Variants in HMGCLL1 observed in about 807,000 individuals in gnomAD.
The protein encoded by HMGCLL1 is 3-hydroxy-3-methylglutaryl-CoA lyase like 1.
Under a neutral mutation model 39.1 loss-of-function variants are expected in HMGCLL1, and 36 were observed. The ratio of observed to expected loss-of-function variants is 0.92; its 90% CI spans 0.71 to 1.22. The LOEUF (loss-of-function observed/expected upper bound fraction) is 1.22, where lower values mean the gene tolerates loss of function less well. Among genes scored for constraint, HMGCLL1 ranks in the 50% most tolerant of loss-of-function variants. HMGCLL1 has a pLI of 0.00. For missense variants in HMGCLL1, 451 were observed against 416.5 expected (o/e 1.08, Z -0.72); for synonymous variants, 149 against 144.0 (o/e 1.03, Z -0.25).
intron 7 of HMGCLL1, among the ~76,000 whole-genome samples, chr6:55,481,602 G>A (rs1018656530): frequency 5.9e-5 from 9 of 151,972 alleles, no homozygotes; most frequent in African/African-American, 2.2e-4. Flanking sequence ...TCTTAGAGTA[G>A]GCTCAGTCTG....
chr6:55,570,856 T>G (rs1349362730), intron 1 of HMGCLL1, among the ~76,000 whole-genome samples: 1 of 152,190 alleles, frequency 6.6e-6, no homozygotes, highest in African/African-American at 2.4e-5. Context: ...AGAACTTTAA[T>G]GGATTCACAG....
intron 7 of HMGCLL1, among the ~76,000 whole-genome samples, chr6:55,448,678 T>C (rs1310003308): frequency 1.3e-5 from 2 of 152,296 alleles, no homozygotes; most frequent in Non-Finnish European, 1.5e-5. Context: ...CTGTTGTTGA[T>C]TGGATAATGC....
intron 1 of HMGCLL1, among the ~76,000 whole-genome samples, chr6:55,565,668 T>C (rs1771176719): frequency 6.6e-6 from 1 of 152,090 alleles, no homozygotes; most frequent in African/African-American, 2.4e-5. Flanking sequence ...TCTCTAGAGA[T>C]GAGTATTTAT....
intron 3 of HMGCLL1, among the ~76,000 whole-genome samples, chr6:55,533,288 T>C (rs967871695): frequency 6.6e-6 from 1 of 151,904 alleles, no homozygotes; most frequent in Non-Finnish European, 1.5e-5. Flanking sequence ...ATCCAAAATA[T>C]GTACTATTAT....
At chr6:55,453,081 G>C (rs2127390266) in intron 7 of HMGCLL1, among the ~76,000 whole-genome samples, 1 of 152,194 alleles carries the variant, frequency 6.6e-6, no homozygotes, top group East Asian at 1.9e-4. Flanking sequence ...TGTGGGAAGA[G>C]GTATTCTACA....
chr6:55,584,637 G>T, the HMGCLL1 span, among the ~76,000 whole-genome samples: 17 of 152,164 alleles, frequency 1.1e-4, no homozygotes, highest in South Asian at 3.5e-3. Context: ...GGAAGTACTT[G>T]GGTGAGAAGG....
At chr6:55,610,385 C>T in the HMGCLL1 span, among the ~76,000 whole-genome samples, 1 of 151,586 alleles carries the variant, frequency 6.6e-6, no homozygotes, top group African/African-American at 2.4e-5. Context: ...TTTCATGAAA[C>T]ATATATAAAT....
the HMGCLL1 span, among the ~76,000 whole-genome samples, chr6:55,630,326 T>G: frequency 7.9e-5 from 12 of 152,082 alleles, no homozygotes; most frequent in African/African-American, 2.9e-4. Flanking sequence ...TTTTGGCCTA[T>G]TTCTCCCATT....
the HMGCLL1 span, among the ~76,000 whole-genome samples, chr6:55,616,012 A>G: frequency 6.6e-6 from 1 of 152,112 alleles, no homozygotes; most frequent in Non-Finnish European, 1.5e-5. Flanking sequence ...AAAATTTCTT[A>G]AGAGAAAATA....
At chr6:55,580,406 C>CAT (rs1561975445), upstream of HMGCLL1, among the ~76,000 whole-genome samples, 1 of 73,270 alleles carries the variant, frequency 1.4e-5, no homozygotes, top group Non-Finnish European at 2.3e-5. Flanking sequence ...TTTTTTCTTT[C>CAT]TTTTTTTTTT....
chr6:55,656,360 G>A, the HMGCLL1 span, among the ~76,000 whole-genome samples: 1 of 151,936 alleles, frequency 6.6e-6, no homozygotes, highest in Non-Finnish European at 1.5e-5. Context: ...AAGACAAAGT[G>A]TTCATCAATA....
intron 3 of HMGCLL1, among the ~76,000 whole-genome samples, chr6:55,523,078 T>A (rs1196703710): frequency 6.6e-6 from 1 of 151,990 alleles, no homozygotes; most frequent in Non-Finnish European, 1.5e-5. Context: ...CTATATTTTG[T>A]ACCCTTTTCC....
intron 8 of HMGCLL1, 142 bp from the exon 9 acceptor site, chr6:55,435,905 G>A (rs1763351908): frequency 6.5e-6 from 3 of 464,206 alleles, no homozygotes; most frequent in African/African-American, 2.0e-5. Flanking sequence ...ATCAATTTTG[G>A]GGCAACATTT....
rs575858247 is a variant in HMGCLL1, at chr6:55,537,521, G to C, written c.297+4208C>G. On this transcript the variant is annotated intron_variant, in intron 3 of 8. Coordinates refer to ENST00000274901, the MANE Select transcript of HMGCLL1 (RefSeq NM_001042406.2). The stretch of plus-strand genomic sequence containing the variant: ...AGTTATCAGAAAAGGCAGTGAACTT[G>C]TGTAGAGCCCAAGATCCATCCATCA... Among the ~76,000 whole-genome samples, 40 of 152,262 alleles carry C rather than the reference G, an allele frequency of 2.6e-4. No individual in the cohort carries two copies. The South Asian group carries it at 7.7e-3, about 29-fold the overall frequency.
chr6:55,665,186 T>C, the HMGCLL1 span, among the ~76,000 whole-genome samples: 1 of 151,736 alleles, frequency 6.6e-6, no homozygotes, highest in African/African-American at 2.4e-5. Context: ...TAGATATGTA[T>C]CTCGATAATG....
At chr6:55,605,409 C>A in the HMGCLL1 span, among the ~76,000 whole-genome samples, 1 of 140,056 alleles carries the variant, frequency 7.1e-6, no homozygotes, top group Admixed American at 6.9e-5. Flanking sequence ...ATAACTCAAC[C>A]TAGAATGATA....
At chr6:55,658,941 G>T in the HMGCLL1 span, among the ~76,000 whole-genome samples, 1 of 151,950 alleles carries the variant, frequency 6.6e-6, no homozygotes, top group Non-Finnish European at 1.5e-5. Context: ...AATTTGTAAA[G>T]ATCATTCTGA....
chr6:55,666,355 C>T, the HMGCLL1 span, among the ~76,000 whole-genome samples: 114,927 of 151,420 alleles, frequency 0.76, 43,668 homozygotes, highest in Middle Eastern at 0.8. Context: ...AAACCACATT[C>T]TTATCCACTC....
At chr6:55,501,920 C>T (rs962478990) in intron 5 of HMGCLL1, among the ~76,000 whole-genome samples, 1 of 151,764 alleles carries the variant, frequency 6.6e-6, no homozygotes, top group African/African-American at 2.4e-5. Flanking sequence ...TATTTTCATT[C>T]AGCTTTGATT....
Sources: allele counts gnomAD v4.1 joint callset (sites outside exome capture counted in the v4.1 genomes callset), GRCh38; gene constraint gnomAD v4.1.1; transcripts MANE v1.5; gene names NCBI Gene and HGNC (gene_info 2026-07-23, HGNC 2026-07-21).